Variants in SPTAN1 observed in about 807,000 individuals in gnomAD.
The protein encoded by SPTAN1 is spectrin alpha chain, non-erythrocytic 1.
In SPTAN1, 61 loss-of-function variants were observed where a neutral mutation model predicts 331.3. The ratio of observed to expected loss-of-function variants is 0.18; its 90% CI spans 0.15 to 0.23. The LOEUF is 0.23. Ranked by LOEUF, SPTAN1 falls within the 10% of genes least tolerant of loss-of-function variation. The probability of loss-of-function intolerance (pLI) is 1.00; values close to 1 mark genes in which losing one functional copy is unlikely to be tolerated. For synonymous variants in SPTAN1, 1,153 were observed against 1,173.9 expected (o/e 0.98, Z 0.36); for missense variants, 2,043 against 3,147.9 (o/e 0.65, Z 8.40).
At position 128,600,974 on chromosome 9, in the gene SPTAN1, C is replaced by CTTTTTTTTTTTTTTTTTTTTTT. The variant is rs60290370; in HGVS notation, c.3579+865_3579+886dup. ...CACAGCACACAGCCAGGGAGAAAGT[C>CTTTTTTTTTTTTTTTTTTTTTT]TTTTTTTTTTTTTTTTTTTTTTTTT... On this transcript the variant is annotated intron_variant, in intron 27 of 56. Coordinates refer to ENST00000372739, the MANE Select transcript of SPTAN1 (RefSeq NM_001130438.3). 9.8e-5 allele frequency among the ~76,000 whole-genome samples: 4 copies of CTTTTTTTTTTTTTTTTTTTTTT among 40,866 alleles called. 2 individuals are homozygous for CTTTTTTTTTTTTTTTTTTTTTT. Among genetic ancestry groups the CTTTTTTTTTTTTTTTTTTTTTT allele is most frequent in the Non-Finnish European group, 1.7e-4 (4 of 23,674 alleles). 26.8% of individuals were successfully genotyped at this position (40,866 alleles called of 152,430 possible). A position where few individuals can be genotyped will look rare whatever the true frequency, so the allele number is the denominator to read the frequency against.
At chr9:128,613,026 C>A (rs1227279058) in intron 39 of SPTAN1, among the ~76,000 whole-genome samples, 1 of 151,996 alleles carries the variant, frequency 6.6e-6, no homozygotes, top group Admixed American at 6.6e-5. Flanking sequence ...GTGTTCCCAG[C>A]CTTTTGGTGT....
intron 37 of SPTAN1, 73 bp from the exon 38 acceptor site, chr9:128,611,641 G>C: frequency 6.3e-7 from 1 of 1,588,542 alleles, no homozygotes; most frequent in Non-Finnish European, 8.6e-7. Flanking sequence ...CCCTGCCTCT[G>C]AGAACCCCTT....
At chr9:128,580,084 A>T (rs1320624490) in intron 10 of SPTAN1, among the ~76,000 whole-genome samples, 2 of 152,060 alleles carry the variant, frequency 1.3e-5, no homozygotes, top group African/African-American at 4.8e-5. Flanking sequence ...AGGCCAAGGC[A>T]GGAGGATTGC....
rs140035113 is a variant in SPTAN1, at chr9:128,566,346, G to A, written c.-3-392G>A. Reference sequence around the variant, plus strand: ...GTTGGGATTACAAGTGTGCGCCACCGCACCCCCTGCTTGAAAGGACTTCTG... The same window carrying A: ...GTTGGGATTACAAGTGTGCGCCACCACACCCCCTGCTTGAAAGGACTTCTG... On this transcript the variant is annotated intron_variant, in intron 1 of 56. Transcript: ENST00000372739. Among the ~76,000 whole-genome samples the A allele has an allele frequency of 4.5e-3, 678 of 152,200 alleles. 6 individuals carry two copies. Among genetic ancestry groups the A allele is most frequent in the African/African-American group, 0.015 (635 of 41,514 alleles).
intron 17 of SPTAN1, 29 bp downstream of exon 17, chr9:128,584,554 A>T (rs1313789676): frequency 1.2e-6 from 2 of 1,614,006 alleles, no homozygotes; most frequent in South Asian, 2.2e-5. Flanking sequence ...GGTAGGAATC[A>T]ACTTGGGAAA....
intron 52 of SPTAN1, 98 bp downstream of exon 52, chr9:128,630,473 T>A: frequency 8.4e-7 from 1 of 1,186,446 alleles, no homozygotes; most frequent in Non-Finnish European, 1.3e-6. Flanking sequence ...GAACCAGATG[T>A]GCTATTATTG....
chr9:128,606,345 A>G (rs1319587808), intron 31 of SPTAN1, among the ~76,000 whole-genome samples: 6 of 106,196 alleles, frequency 5.6e-5, no homozygotes, highest in Non-Finnish European at 1.0e-4. Flanking sequence ...ACCGTACTCT[A>G]GCCTGGGCGA....
intron 31 of SPTAN1, among the ~76,000 whole-genome samples, chr9:128,607,186 T>A (rs540312297): frequency 6.6e-6 from 1 of 152,128 alleles, no homozygotes; most frequent in African/African-American, 2.4e-5. Flanking sequence ...CTTTTTTTTT[T>A]AGAGACAGGG....
intron 10 of SPTAN1, 122 bp downstream of exon 10, chr9:128,579,860 C>G (rs1237914799): frequency 8.3e-6 from 7 of 840,910 alleles, no homozygotes; most frequent in Middle Eastern, 2.6e-4. Flanking sequence ...AGAAACTTTC[C>G]TTTCTCTGCA....
Position 128,612,258 on chromosome 9 carries a change from T to A in SPTAN1, c.5043+12T>A, listed in dbSNP as rs1470672437. ...TCTGGCTGTCTGAGGTAACACTGAG[T>A]GGTTCCTCTTCCTACCAGTGGGGGA... On this transcript the variant is annotated intron_variant, in intron 39 of 56. Coordinates refer to ENST00000372739, the MANE Select transcript of SPTAN1 (RefSeq NM_001130438.3). The A allele has an allele frequency of 5.6e-6, 9 of 1,613,836 alleles. No individual in the cohort carries two copies.
chr9:128,609,665 G>A lies in SPTAN1; in HGVS notation c.4773G>A (p.Leu1591=). 1 of 1,517,984 alleles carries A rather than the reference G, an allele frequency of 6.6e-7. No homozygotes were observed. 94.0% of individuals were successfully genotyped at this position (1,517,984 alleles called of 1,614,324 possible). A position where few individuals can be genotyped will look rare whatever the true frequency, so the allele number is the denominator to read the frequency against. ...DPTNIQLSKL[L]SKHQKHQAFE... is the part of the protein sequence containing the mutation. ...TGTTTTTGTAGCTTTCCAAGCTGCT[G>A]GTAAGTTTTTAATTTTTTTAAGAGT... The change falls in exon 37 of 57, where the codon CTG becomes CTA. Residue 1591 remains leucine (L), a splice_region_variant and synonymous_variant. Transcript: ENST00000372739.
At position 128,617,984 on chromosome 9, in the gene SPTAN1, C is replaced by A. The variant is rs1464939078; in HGVS notation, c.5479-3C>A. On this transcript the variant is annotated splice_polypyrimidine_tract_variant and splice_region_variant and intron_variant, in intron 42 of 56. Transcript: ENST00000372739. Reference sequence around the variant, plus strand: ...TGTTAACCTCCTCGTCCTTGCCTGTCAGGGTGTCCTGGACACTGGCAAGAA... The same window carrying A: ...TGTTAACCTCCTCGTCCTTGCCTGTAAGGGTGTCCTGGACACTGGCAAGAA... The A allele has an allele frequency of 1.2e-6, 2 of 1,614,166 alleles. No individual in the cohort carries two copies. Among genetic ancestry groups the A allele is most frequent in the Non-Finnish European group, 1.7e-6 (2 of 1,180,030 alleles).
At position 128,633,454 on chromosome 9, in the gene SPTAN1, C is replaced by CTT. The variant is rs564433796; in HGVS notation, c.*121_*122dup. On this transcript the variant is annotated 3_prime_UTR_variant, in exon 57 of 57. Coordinates refer to ENST00000372739, the MANE Select transcript of SPTAN1 (RefSeq NM_001130438.3). Reference sequence around the variant, plus strand: ...TAAGCCTGCTTAGCTTGGAATAAGACTTAGGAGAAAATGGTGCTTCACTAA... The same window carrying CTT: ...TAAGCCTGCTTAGCTTGGAATAAGACTTTTAGGAGAAAATGGTGCTTCACTAA... 2.3e-5 allele frequency: 36 copies of CTT among 1,538,838 alleles called. No individual in the cohort carries two copies. In the South Asian group the frequency reaches 3.6e-4, roughly 15 times the overall value.
intron 44 of SPTAN1, among the ~76,000 whole-genome samples, chr9:128,620,202 G>C (rs1857668396): frequency 6.6e-6 from 1 of 152,226 alleles, no homozygotes; most frequent in African/African-American, 2.4e-5. Flanking sequence ...ATCATGGTCA[G>C]ATATGACTAA....
intron 3 of SPTAN1, among the ~76,000 whole-genome samples, chr9:128,569,397 A>G (rs558865577): frequency 6.6e-5 from 10 of 152,168 alleles, no homozygotes; most frequent in Middle Eastern, 3.4e-3. Flanking sequence ...GTCAATGACC[A>G]TGGTGATGGG....
chr9:128,600,005 C>T, intron 26 of SPTAN1, 75 bp from the exon 27 acceptor site: 1 of 1,476,722 alleles, frequency 6.8e-7, no homozygotes, highest in Admixed American at 1.7e-5. Context: ...AAACTAGAGT[C>T]ATTCGCTGGA....
intron 24 of SPTAN1, among the ~76,000 whole-genome samples, chr9:128,595,417 C>G (rs1347801273): frequency 6.6e-6 from 1 of 152,136 alleles, no homozygotes; most frequent in African/African-American, 2.4e-5. Context: ...GCCTGTGTAG[C>G]TATTTTTAAA....
intron 1 of SPTAN1, among the ~76,000 whole-genome samples, chr9:128,564,202 C>T (rs1233217765): frequency 6.6e-6 from 1 of 151,976 alleles, no homozygotes; most frequent in East Asian, 1.9e-4. Context: ...GGGTGGATCA[C>T]GAGGTCAGGA....
At chr9:128,573,830 T>G (rs1356518760) in intron 3 of SPTAN1, among the ~76,000 whole-genome samples, 1 of 151,498 alleles carries the variant, frequency 6.6e-6, no homozygotes, top group Non-Finnish European at 1.5e-5. Context: ...CATGGCTCAC[T>G]GCAAGCTCCA....
Sources: gnomAD v4.1 joint callset for allele counts (sites outside exome capture counted in the v4.1 genomes callset) on GRCh38, gnomAD v4.1.1 for gene constraint, MANE v1.5 for transcripts, NCBI Gene and HGNC (gene_info 2026-07-23, HGNC 2026-07-21) for gene names.